The following PLCB1 variants were observed in gnomAD, a reference collection of about 807,000 sequenced individuals.
The protein encoded by PLCB1 is 1-phosphatidylinositol 4,5-bisphosphate phosphodiesterase beta-1.
Under a neutral mutation model 161.8 loss-of-function variants are expected in PLCB1, and 46 were observed. The ratio of observed to expected loss-of-function variants is 0.28; its 90% CI spans 0.22 to 0.36. The LOEUF is 0.36. Among genes scored for constraint, PLCB1 ranks in the 10% least tolerant of loss-of-function variants. PLCB1 has a pLI of 1.00. For missense variants in PLCB1, 1,016 were observed against 1,472.5 expected (o/e 0.69, Z 5.07); for synonymous variants, 517 against 503.7 (o/e 1.03, Z -0.35).
intron 2 of PLCB1, among the ~76,000 whole-genome samples, chr20:8,302,691 C>T (rs369990928): frequency 2.4e-4 from 37 of 152,182 alleles, no homozygotes; most frequent in South Asian, 6.2e-4. Flanking sequence ...AAGTTACATA[C>T]GCTAATGCCT....
intron 26 of PLCB1, among the ~76,000 whole-genome samples, chr20:8,772,046 AT>A (rs57175112): frequency 0.038 from 4,600 of 121,866 alleles, 86 homozygotes; most frequent in African/African-American, 0.075. Context: ...GGCCCGGTTA[AT>A]TTTTTTTTTT....
intron 3 of PLCB1, among the ~76,000 whole-genome samples, chr20:8,459,341 C>A (rs1461773951): frequency 6.6e-6 from 1 of 152,126 alleles, no homozygotes; most frequent in Non-Finnish European, 1.5e-5. Context: ...CTGGCGAGTC[C>A]TTAAATAATA....
In PLCB1 at chr20:8,587,174, T is replaced by TAA. The variant is rs11482041; in HGVS notation, c.247-41115_247-41114dup. Among the ~76,000 whole-genome samples the TAA allele has an allele frequency of 9.0e-3, 1,306 of 145,026 alleles. 25 individuals carry two copies. The highest frequency in any genetic ancestry group is 0.033 in the African/African-American group (1,261 of 38,794). On this transcript the variant is annotated intron_variant, in intron 3 of 31. Coordinates refer to ENST00000338037, the MANE Select transcript of PLCB1 (RefSeq NM_015192.4). ...TAAAACTAACGCCAGCACTATCAAT[T>TAA]AAAAAATATATATATATATATGATC...
intron 3 of PLCB1, among the ~76,000 whole-genome samples, chr20:8,512,094 C>T (rs1349580366): frequency 1.3e-5 from 2 of 152,104 alleles, no homozygotes; most frequent in Admixed American, 6.5e-5. Flanking sequence ...GAAAAACTGC[C>T]AAACTGGTAG....
intron 2 of PLCB1, among the ~76,000 whole-genome samples, chr20:8,197,658 G>C (rs1392582850): frequency 6.6e-6 from 1 of 152,122 alleles, no homozygotes. Context: ...AAACTCTTTA[G>C]TTTCATTAGA....
chr20:8,632,985 T>C (rs138508910), intron 4 of PLCB1, among the ~76,000 whole-genome samples: 28 of 151,772 alleles, frequency 1.8e-4, no homozygotes, highest in African/African-American at 6.8e-4. Context: ...GGAGGGGAAA[T>C]AATGGAAGCA....
rs1568564027 is a variant in PLCB1, at chr20:8,132,513, G to T, written c.-139G>T. The T allele has an allele frequency of 2.3e-6, 1 of 433,534 alleles. No individual in the cohort carries two copies. The highest frequency in any genetic ancestry group is 4.0e-6 in the Non-Finnish European group (1 of 252,572). The allele number at this position is 433,534 out of a possible 1,614,324, so 26.9% of individuals were successfully genotyped here. ...CGGAGGGAGGTGCGGAGGCCGGGAG[G>T]CCGGGGAGGCCGGCGGGGAGCAGAG... On this transcript the variant is annotated 5_prime_UTR_variant, in exon 1 of 32. Transcript: ENST00000338037. This position sits in a 1 kb window ranked among gnomAD's most constrained non-coding sequence, Gnocchi z 5.2.
At position 8,647,967 on chromosome 20, in the gene PLCB1, G is replaced by A; in HGVS notation, c.518+14G>A. On this transcript the variant is annotated intron_variant, in intron 6 of 31. Transcript: ENST00000338037. ...TCCTCTCAAAAAGTAAGCTTTGTGA[G>A]CATTTCTCATTATTCATTTTATTTT... 6.5e-7 allele frequency: 1 copy of A among 1,535,758 alleles called. No individual in the cohort carries two copies. Among genetic ancestry groups the A allele is most frequent in the South Asian group, 1.2e-5 (1 of 82,388 alleles).
intron 2 of PLCB1, among the ~76,000 whole-genome samples, chr20:8,325,187 T>C (rs1985101142): frequency 6.6e-6 from 1 of 152,140 alleles, no homozygotes; most frequent in Admixed American, 6.5e-5. Flanking sequence ...GCACTGGTTT[T>C]TCTTGGTTGG....
chr20:8,225,240 T>A (rs1265842718), intron 2 of PLCB1, among the ~76,000 whole-genome samples: 3 of 152,220 alleles, frequency 2.0e-5, no homozygotes, highest in African/African-American at 7.2e-5. Context: ...TCAGCATTTC[T>A]CCATTGTGTC....
At chr20:8,464,422 C>T (rs989761418) in intron 3 of PLCB1, among the ~76,000 whole-genome samples, 5 of 152,116 alleles carry the variant, frequency 3.3e-5, no homozygotes, top group African/African-American at 1.2e-4. Context: ...TCGTGCCCTC[C>T]AACAACTTTC....
At chr20:8,372,419 A>G (rs1451542040) in intron 3 of PLCB1, among the ~76,000 whole-genome samples, 5 of 152,226 alleles carry the variant, frequency 3.3e-5, no homozygotes, top group African/African-American at 1.2e-4. Context: ...AGCATATTCT[A>G]TGACACAGCA....
chr20:8,515,171 G>T (rs1984058466), intron 3 of PLCB1, among the ~76,000 whole-genome samples: 1 of 152,162 alleles, frequency 6.6e-6, no homozygotes, highest in Non-Finnish European at 1.5e-5. Context: ...ATTCAGCCCT[G>T]GAGGAAGAGC....
intron 16 of PLCB1, among the ~76,000 whole-genome samples, chr20:8,725,087 A>G (rs1014232335): frequency 2.0e-5 from 3 of 152,292 alleles, no homozygotes; most frequent in African/African-American, 7.2e-5. Context: ...ACACACAGTG[A>G]GATCCATCTG....
At position 8,750,129 on chromosome 20, in the gene PLCB1, A is replaced by T. The variant is rs530221138; in HGVS notation, c.2524-6917A>T. 1.9e-3 allele frequency among the ~76,000 whole-genome samples: 289 copies of T among 152,308 alleles called. 1 individual carries two copies. Among genetic ancestry groups the T allele is most frequent in the Admixed American group, 3.0e-3 (46 of 15,296 alleles). ...GCAGCTGCTACTAATGTTCAACAAA[A>T]TGATACCATGTGAATGCTGTTGACT... On this transcript the variant is annotated intron_variant, in intron 23 of 31. Coordinates refer to ENST00000338037, the MANE Select transcript of PLCB1 (RefSeq NM_015192.4).
In PLCB1 at chr20:8,807,150, GATTA is replaced by G. The variant is rs1383073660; in HGVS notation, c.3423+16895_3423+16898del. On this transcript the variant is annotated intron_variant, in intron 31 of 31. Coordinates refer to ENST00000338037, the MANE Select transcript of PLCB1 (RefSeq NM_015192.4). ...TCTCTTTTGAGTCCGTGAAGGATGC[GATTA>G]ATTAAAGTCGGAAGTTTGTCACTGA... Among the ~76,000 whole-genome samples, 12 of 152,260 alleles carry G rather than the reference GATTA, an allele frequency of 7.9e-5. No individual in the cohort carries two copies. The East Asian group carries it at 2.1e-3, about 27-fold the overall frequency.
At chr20:8,453,909 AG>A (rs1211256182) in intron 3 of PLCB1, among the ~76,000 whole-genome samples, 1 of 152,150 alleles carries the variant, frequency 6.6e-6, no homozygotes, top group African/African-American at 2.4e-5. Flanking sequence ...GAAGTAATTA[AG>A]GTTAAATGAG....
Position 8,563,047 on chromosome 20 carries a change from A to C in PLCB1, c.247-65247A>C, listed in dbSNP as rs191063299. Reference sequence around the variant, plus strand: ...TATAGTGTGTAAACCTATGAGACTTATAGTATGTAGATGTATGATACTGAC... The same window carrying C: ...TATAGTGTGTAAACCTATGAGACTTCTAGTATGTAGATGTATGATACTGAC... On this transcript the variant is annotated intron_variant, in intron 3 of 31. Coordinates refer to ENST00000338037, the MANE Select transcript of PLCB1 (RefSeq NM_015192.4). 1.1e-4 allele frequency among the ~76,000 whole-genome samples: 16 copies of C among 152,178 alleles called. No homozygotes were observed. In the East Asian group the frequency reaches 3.1e-3, roughly 29 times the overall value.
chr20:8,481,737 A>G (rs995092664), intron 3 of PLCB1, among the ~76,000 whole-genome samples: 5 of 152,172 alleles, frequency 3.3e-5, no homozygotes, highest in Non-Finnish European at 7.3e-5. Flanking sequence ...CTTCACCTGA[A>G]TAATATAATG....
Sources: allele counts gnomAD v4.1 joint callset (sites outside exome capture counted in the v4.1 genomes callset), GRCh38; gene constraint gnomAD v4.1.1; non-coding constraint Gnocchi (gnomAD v3.1); transcripts MANE v1.5; gene names NCBI Gene and HGNC (gene_info 2026-07-23, HGNC 2026-07-21).